Variants in LAMA5 observed in about 807,000 individuals in gnomAD.
LAMA5 encodes the protein laminin subunit alpha-5.
LAMA5 carries 260 observed loss-of-function variants against 433.4 expected under a neutral mutation model. That is an observed-to-expected ratio of 0.60 (90% CI 0.54 to 0.66). LAMA5 has a LOEUF of 0.66. Ranked by LOEUF, LAMA5 falls within the 30% of genes least tolerant of loss-of-function variation. LAMA5 has a pLI of 0.00. For synonymous variants in LAMA5, 2,620 were observed against 2,226.6 expected, an observed-to-expected ratio of 1.18 and a Z score of -4.97; for missense variants, 5,378 against 5,258.5, an observed-to-expected ratio of 1.02 and a Z score of -0.70.
At chr20:62,352,977 C>T (rs894531830) in intron 3 of LAMA5, 157 bp downstream of exon 3, 10 of 589,464 alleles carry the variant, frequency 1.7e-5, no homozygotes, top group South Asian at 6.3e-5. Flanking sequence ...AATAAATCCC[C>T]ATGAGCCTTC....
rs1433144426 is a variant in LAMA5, at chr20:62,337,093, T to G, written c.2165-307A>C. The G allele has an allele frequency of 9.8e-5, 60 of 611,448 alleles. 1 individual carries two copies. The highest frequency in any genetic ancestry group is 1.5e-5 in the Non-Finnish European group (5 of 325,070). 37.9% of individuals were successfully genotyped at this position (611,448 alleles called of 1,614,324 possible). ...ACAAGCACACAAACGCACGTGAAGA[T>G]GCACCCACTACACGTGCACTAACAC... is the stretch of plus-strand genomic sequence containing the variant. On this transcript the variant is annotated intron_variant, in intron 16 of 79. Transcript: ENST00000252999.
At position 62,327,350 on chromosome 20, in the gene LAMA5, G is replaced by A. The variant is rs758517650; in HGVS notation, c.4995C>T (p.His1665=). Residue 1665 remains histidine, a synonymous_variant, in exon 38 of 80, where the codon CAC becomes CAT. Coordinates refer to ENST00000252999, the MANE Select transcript of LAMA5 (RefSeq NM_005560.6). ...LLSTDRQVVP[H]ERQPGTEMLR... is the part of the protein sequence containing the mutation. ...GCATCTCCGTCCCTGGCTGCCGCTC[G>A]TGGGGCACCACCTGCCGGTCAGTGC... 23 of 1,601,470 alleles carry A rather than the reference G, an allele frequency of 1.4e-5. No individual in the cohort carries two copies. Among genetic ancestry groups the A allele is most frequent in the Middle Eastern group, 1.7e-4 (1 of 6,020 alleles).
At chr20:62,311,810 G>A (rs751183016) in intron 70 of LAMA5, 26 bp from the exon 71 acceptor site, 23 of 1,558,476 alleles carry the variant, frequency 1.5e-5, no homozygotes, top group Non-Finnish European at 1.9e-5. Context: ...CCGGAGGCTC[G>A]GTTTTTCCCC....
At position 62,309,328 on chromosome 20, in the gene LAMA5, G is replaced by A; in HGVS notation, c.*8C>T. On this transcript the variant is annotated 3_prime_UTR_variant, in exon 80 of 80. Transcript: ENST00000252999. ...GGGGCCTGACCAGGGGCCGGGGTTG[G>A]CTGTGTCCTAGGCGGCTGGGCAGCC... 2 of 1,591,376 alleles carry A rather than the reference G, an allele frequency of 1.3e-6. No homozygotes were observed. Among genetic ancestry groups the A allele is most frequent in the Non-Finnish European group, 1.7e-6 (2 of 1,177,090 alleles).
chr20:62,344,048 G>A (rs1236548196), intron 11 of LAMA5, among the ~76,000 whole-genome samples: 1 of 148,866 alleles, frequency 6.7e-6, no homozygotes, highest in Non-Finnish European at 1.5e-5. Context: ...GTAGACTGAA[G>A]CAGAAGAATC....
rs1012542701 is a variant in LAMA5 at position 62,340,053 on chromosome 20, C to T, written c.1478-1445G>A. On this transcript the variant is annotated intron_variant, in intron 11 of 79. Coordinates refer to ENST00000252999, the MANE Select transcript of LAMA5 (RefSeq NM_005560.6). ...AGAGGAGTGAGGACGGAAGGCACAG[C>T]GGTAACGAGACAGAGGGAAGCTCAG... is the stretch of plus-strand genomic sequence containing the variant. Among the ~76,000 whole-genome samples the T allele has an allele frequency of 4.6e-5, 7 of 152,046 alleles. No individual in the cohort carries two copies. In the East Asian group the frequency reaches 5.8e-4, roughly 13 times the overall value.
In LAMA5 at chr20:62,351,870, G is replaced by A. The variant is rs751290481; in HGVS notation, c.858+39C>T. 5 of 1,577,078 alleles carry A rather than the reference G, an allele frequency of 3.2e-6. No homozygotes were observed. In the Admixed American group the frequency reaches 5.6e-5, roughly 18 times the overall value. ...TCACCCTGAGTCCCGGGTCCACCCG[G>A]CCAGTCCCCCTCCCCCGCCTGCGCC... On this transcript the variant is annotated intron_variant, in intron 5 of 79. Transcript: ENST00000252999.
At chr20:62,313,591 A>G in intron 63 of LAMA5, 58 bp downstream of exon 63, 2 of 1,596,954 alleles carry the variant, frequency 1.3e-6, no homozygotes, top group Non-Finnish European at 1.7e-6. Flanking sequence ...TCTCCAGGAC[A>G]CAAGCGACTC....
intron 51 of LAMA5, 81 bp from the exon 52 acceptor site, chr20:62,319,094 C>T: frequency 7.2e-7 from 1 of 1,385,688 alleles, no homozygotes; most frequent in South Asian, 1.5e-5. Context: ...CCCAAGACCC[C>T]AGCCCTGCCA....
chr20:62,335,583 C>T (rs1364040800), intron 18 of LAMA5, among the ~76,000 whole-genome samples: 2 of 138,246 alleles, frequency 1.4e-5, no homozygotes, highest in Non-Finnish European at 3.1e-5. Context: ...TGTACCCCAA[C>T]ACTCCCTCCA....
chr20:62,318,913 C>T lies in LAMA5; in HGVS notation c.6972G>A (p.Trp2324Ter). The T allele has an allele frequency of 6.2e-7, 1 of 1,603,582 alleles. No homozygotes were observed. Among genetic ancestry groups the T allele is most frequent in the Non-Finnish European group, 8.5e-7 (1 of 1,177,376 alleles). Residue 2324 changes from tryptophan to a stop codon, truncating the protein, a stop_gained, in exon 52 of 80, where the codon TGG becomes TGA. Coordinates refer to ENST00000252999, the MANE Select transcript of LAMA5 (RefSeq NM_005560.6). LOFTEE classifies it high-confidence loss of function. ...CCCCCAGGTCCCGGGCCCGCATCTC[C>T]CAGAGCAGCCGCTCCACCTCGGCCA... ...RTLAEVERLL[W>*]EMRARDLGAP...
rs370052293 is a variant in LAMA5, at chr20:62,310,892, C to T, written c.10281+10G>A. On this transcript the variant is annotated intron_variant, in intron 74 of 79. Transcript: ENST00000252999. Reference sequence around the variant, plus strand: ...CCCTGCCCACCACCTTCCTTCTTCTCGGCCCTCACCTTGTGCCAGCGGCCA... The same window carrying T: ...CCCTGCCCACCACCTTCCTTCTTCTTGGCCCTCACCTTGTGCCAGCGGCCA... 2.5e-5 allele frequency: 40 copies of T among 1,608,638 alleles called. No individual in the cohort carries two copies. Among genetic ancestry groups the T allele is most frequent in the East Asian group, 4.5e-5 (2 of 44,836 alleles).
At position 62,314,224 on chromosome 20, in the gene LAMA5, G is replaced by A. The variant is rs1280813977; in HGVS notation, c.8504+80C>T. On this transcript the variant is annotated intron_variant, in intron 62 of 79. Transcript: ENST00000252999. Reference sequence around the variant, plus strand: ...CATGGAGAGGTGAAGGGTGGTGGGTGCACACGGAGAGGGGAGAGATGGCGA... The same window carrying A: ...CATGGAGAGGTGAAGGGTGGTGGGTACACACGGAGAGGGGAGAGATGGCGA... The A allele has an allele frequency of 2.6e-6, 4 of 1,513,576 alleles. No individual in the cohort carries two copies. The African/African-American group carries it at 5.5e-5, about 21-fold the overall frequency. The allele number at this position is 1,513,576 out of a possible 1,614,324, so 93.8% of individuals were successfully genotyped here.
chr20:62,309,959 G>A (rs1986031700), intron 78 of LAMA5, 29 bp downstream of exon 78: 1 of 1,606,526 alleles, frequency 6.2e-7, no homozygotes, highest in African/African-American at 1.3e-5. Context: ...GGGGGTGGCA[G>A]AGTGCCCTGG....
intron 51 of LAMA5, 38 bp downstream of exon 51, chr20:62,319,646 T>C (rs1020437585): frequency 6.9e-7 from 1 of 1,449,396 alleles, no homozygotes; most frequent in African/African-American, 1.4e-5. Flanking sequence ...GCAGCCCTCC[T>C]GGCTCTGAGC....
At position 62,315,019 on chromosome 20, in the gene LAMA5, T is replaced by A; in HGVS notation, c.8047+9A>T. ...TCCATCAGGGGCACCGCGAGGGCCA[T>A]GGGCGCACCTGAGTGGCCTGCGTCA... On this transcript the variant is annotated intron_variant, in intron 59 of 79. Transcript: ENST00000252999. The A allele has an allele frequency of 6.3e-7, 1 of 1,585,614 alleles. No homozygotes were observed. The highest frequency in any genetic ancestry group is 8.5e-7 in the Non-Finnish European group (1 of 1,171,428).
rs138423331 is a variant in LAMA5, at chr20:62,324,167, C to T, written c.5681G>A (p.Arg1894His). 187 of 1,564,516 alleles carry T rather than the reference C, an allele frequency of 1.2e-4. No individual in the cohort carries two copies. In the African/African-American group the frequency reaches 1.5e-3, roughly 13 times the overall value. Residue 1894 changes from arginine to histidine, a missense_variant, in exon 43 of 80, where the codon CGC becomes CAC. By Grantham distance (29) the Arg-to-His change is conservative. Transcript: ENST00000252999. This position sits in a 1 kb window ranked among gnomAD's most constrained non-coding sequence, Gnocchi z 4.4. ...GCTGCTCACGAAGCCAGCCTGGCAG[C>T]GCTCACAGTGGGCCCCTTCGGTGTT... ...QHNTEGAHCE[R>H]CQAGFVSSRD... is the part of the protein sequence containing the mutation.
chr20:62,319,745 G>A lies in LAMA5; in HGVS notation c.6810C>T (p.Ala2270=). 1 of 1,549,102 alleles carries A rather than the reference G, an allele frequency of 6.5e-7. No homozygotes were observed. The highest frequency in any genetic ancestry group is 8.7e-7 in the Non-Finnish European group (1 of 1,147,398). ...ACAGCGTCTTCGCATGGCCCAGTGTGGCCTCGGTGCCGGCCAGCAATTGGC... is the reference window on the plus strand; with the variant it reads ...ACAGCGTCTTCGCATGGCCCAGTGTAGCCTCGGTGCCGGCCAGCAATTGGC... The part of the protein sequence containing the change: ...QASQLLAGTE[A]TLGHAKTLLA... The change falls in exon 51 of 80, where the codon GCC becomes GCT. Residue 2270 remains alanine, a synonymous_variant. Coordinates refer to ENST00000252999, the MANE Select transcript of LAMA5 (RefSeq NM_005560.6).
At chr20:62,358,113 G>A (rs1328811478) in intron 2 of LAMA5, among the ~76,000 whole-genome samples, 2 of 152,232 alleles carry the variant, frequency 1.3e-5, no homozygotes, top group Non-Finnish European at 2.9e-5. Flanking sequence ...GTCTAGGTGG[G>A]TGCTGGGGCA....
Sources: gnomAD v4.1 joint callset for allele counts (sites outside exome capture counted in the v4.1 genomes callset) on GRCh38, gnomAD v4.1.1 for gene constraint, Gnocchi (gnomAD v3.1) non-coding constraint, MANE v1.5 for transcripts, NCBI Gene and HGNC (gene_info 2026-07-23, HGNC 2026-07-21) for gene names.